Variants in CFAP210 observed in about 807,000 individuals in gnomAD.
CFAP210 encodes the protein cilia- and flagella- associated protein 210.
the CFAP210 span, chr2:169,661,210 G>T: frequency 1.7e-6 from 1 of 574,160 alleles, no homozygotes; most frequent in South Asian, 1.4e-5. Context: ...CTTCTCATCT[G>T]CTGGCTGCTG....
At chr2:169,649,225 T>A in the CFAP210 span, 1 of 1,613,668 alleles carries the variant, frequency 6.2e-7, no homozygotes, top group Non-Finnish European at 8.5e-7. Flanking sequence ...ATGTTCTTTA[T>A]CAGCTTTGCA....
chr2:169,690,001 A>G, the CFAP210 span, among the ~76,000 whole-genome samples: 1 of 152,068 alleles, frequency 6.6e-6, no homozygotes, highest in Non-Finnish European at 1.5e-5. Flanking sequence ...TATTTAATTA[A>G]TTAACTTATT....
At chr2:169,669,730 G>T in the CFAP210 span, among the ~76,000 whole-genome samples, 5 of 148,672 alleles carry the variant, frequency 3.4e-5, no homozygotes, top group African/African-American at 1.0e-4. Context: ...AGACAAGATC[G>T]CACCACTGCA....
At chr2:169,692,442 ACG>A in the CFAP210 span, among the ~76,000 whole-genome samples, 547 of 107,026 alleles carry the variant, frequency 5.1e-3, 1 homozygote, top group African/African-American at 0.017. Flanking sequence ...CAACAGGCGC[ACG>A]CACACACACA....
At chr2:169,671,868 G>A in the CFAP210 span, among the ~76,000 whole-genome samples, 1 of 152,202 alleles carries the variant, frequency 6.6e-6, no homozygotes, top group Admixed American at 6.5e-5. Flanking sequence ...ATGTTTGTAT[G>A]AATGAATGAA....
chr2:169,660,985 C>T, the CFAP210 span: 1 of 483,586 alleles, frequency 2.1e-6, no homozygotes, highest in Non-Finnish European at 4.1e-6. Context: ...ATTTGTCATC[C>T]TGAGTTCATC....
the CFAP210 span, among the ~76,000 whole-genome samples, chr2:169,656,348 A>G: frequency 7.6e-6 from 1 of 132,354 alleles, no homozygotes; most frequent in Non-Finnish European, 1.7e-5. Context: ...AGAAGAGAGG[A>G]AGAGGAGGAA....
chr2:169,681,643 T>C, the CFAP210 span, among the ~76,000 whole-genome samples: 97 of 152,344 alleles, frequency 6.4e-4, no homozygotes, highest in African/African-American at 2.0e-3. Context: ...GCACTATGAC[T>C]GACTCTACTC....
the CFAP210 span, among the ~76,000 whole-genome samples, chr2:169,671,457 C>G: frequency 1.3e-5 from 2 of 152,176 alleles, no homozygotes; most frequent in African/African-American, 2.4e-5. Flanking sequence ...TTTCTGTACT[C>G]TCCACTCCCA....
chr2:169,690,663 C>CAAA, the CFAP210 span, among the ~76,000 whole-genome samples: 609 of 106,146 alleles, frequency 5.7e-3, 7 homozygotes, highest in African/African-American at 0.019. Context: ...GACTCTGTCT[C>CAAA]AAAAAAAAAA....
the CFAP210 span, among the ~76,000 whole-genome samples, chr2:169,647,190 G>T: frequency 8.8e-6 from 1 of 114,244 alleles, no homozygotes; most frequent in Admixed American, 7.5e-5. Context: ...TGGAGAAAAA[G>T]TCAAAAAAAA....
At chr2:169,678,838 AT>A in the CFAP210 span, among the ~76,000 whole-genome samples, 49 of 151,986 alleles carry the variant, frequency 3.2e-4, no homozygotes, top group Non-Finnish European at 3.1e-4. Context: ...AAAAATAAAA[AT>A]AAAATAAAAA....
chr2:169,650,242 GGTTA>G, the CFAP210 span: 3 of 1,297,062 alleles, frequency 2.3e-6, no homozygotes, highest in Non-Finnish European at 3.0e-6. Flanking sequence ...GCTAGTTTTT[GGTTA>G]GAGAGGCAGA....
chr2:169,674,247 A>G, the CFAP210 span, among the ~76,000 whole-genome samples: 1 of 152,200 alleles, frequency 6.6e-6, no homozygotes, highest in African/African-American at 2.4e-5. Flanking sequence ...CTCCACAACA[A>G]TAAGCAAACC....
At chr2:169,673,906 C>T in the CFAP210 span, among the ~76,000 whole-genome samples, 2 of 152,102 alleles carry the variant, frequency 1.3e-5, no homozygotes, top group African/African-American at 4.8e-5. Flanking sequence ...AAAAACTCTG[C>T]ATGGCTATAT....
chr2:169,646,638 G>GGACTAAAA, the CFAP210 span, among the ~76,000 whole-genome samples: 6 of 152,048 alleles, frequency 3.9e-5, no homozygotes, highest in African/African-American at 1.4e-4. Context: ...GTGAATATCT[G>GGACTAAAA]GACTAAAACC....
the CFAP210 span, among the ~76,000 whole-genome samples, chr2:169,692,381 CG>C: frequency 1.3e-5 from 2 of 151,398 alleles, no homozygotes; most frequent in Non-Finnish European, 2.9e-5. Context: ...GCCTTCTTGC[CG>C]CATCATAACA....
At chr2:169,681,107 AACC>A in the CFAP210 span, 17 of 1,613,902 alleles carry the variant, frequency 1.1e-5, no homozygotes, top group Non-Finnish European at 1.4e-5. Flanking sequence ...TTCTCTTGTC[AACC>A]TGTCAAGGCT....
chr2:169,693,315 T>C, the CFAP210 span, among the ~76,000 whole-genome samples: 1 of 152,226 alleles, frequency 6.6e-6, no homozygotes, highest in Admixed American at 6.5e-5. Context: ...CTAAACCAGG[T>C]AGTGCAGAAA....
Sources: gnomAD v4.1 joint callset for allele counts (sites outside exome capture counted in the v4.1 genomes callset) on GRCh38, gnomAD v4.1.1 for gene constraint, MANE v1.5 for transcripts, NCBI Gene and HGNC (gene_info 2026-07-23, HGNC 2026-07-21) for gene names.